Variants in ABTB3 observed in about 807,000 individuals in gnomAD.
ABTB3 encodes ankyrin repeat and BTB domain containing 3, also known as ankyrin repeat- and BTB/POZ domain-containing protein 3.
the ABTB3 span, among the ~76,000 whole-genome samples, chr12:107,406,899 G>A: frequency 2.6e-5 from 4 of 152,146 alleles, no homozygotes; most frequent in Admixed American, 2.6e-4. Flanking sequence ...AGCTCACACT[G>A]TGTTCCTCTA....
the ABTB3 span, among the ~76,000 whole-genome samples, chr12:107,408,876 CA>C: frequency 6.6e-6 from 1 of 152,216 alleles, no homozygotes; most frequent in African/African-American, 2.4e-5. Context: ...TGCTGGGTGC[CA>C]GGGGCACAGT....
At chr12:107,339,500 T>G in the ABTB3 span, among the ~76,000 whole-genome samples, 1 of 152,374 alleles carries the variant, frequency 6.6e-6, no homozygotes, top group Admixed American at 6.5e-5. Flanking sequence ...GTTATGGATC[T>G]TAATCAGTCA....
chr12:107,384,140 C>T, the ABTB3 span, among the ~76,000 whole-genome samples: 17 of 152,230 alleles, frequency 1.1e-4, no homozygotes, highest in African/African-American at 4.1e-4. Context: ...ATGTCTGGGA[C>T]ATTTGCTGAG....
chr12:107,579,207 C>T, the ABTB3 span, among the ~76,000 whole-genome samples: 1 of 152,208 alleles, frequency 6.6e-6, no homozygotes, highest in South Asian at 2.1e-4. Context: ...ACAGGAGGCT[C>T]AGCTGCATGA....
chr12:107,540,559 G>T, the ABTB3 span, among the ~76,000 whole-genome samples: 1 of 152,174 alleles, frequency 6.6e-6, no homozygotes, highest in Non-Finnish European at 1.5e-5. Flanking sequence ...GCTGCCATCT[G>T]CACAAGGCCC....
the ABTB3 span, among the ~76,000 whole-genome samples, chr12:107,331,190 G>T: frequency 6.6e-6 from 1 of 152,158 alleles, no homozygotes; most frequent in African/African-American, 2.4e-5. Context: ...TACTGGGAAC[G>T]TGGCACAGCC....
the ABTB3 span, among the ~76,000 whole-genome samples, chr12:107,626,945 T>C: frequency 6.6e-6 from 1 of 152,034 alleles, no homozygotes; most frequent in Non-Finnish European, 1.5e-5. Flanking sequence ...TCCAGGAGTT[T>C]GAGACAAGCC....
the ABTB3 span, among the ~76,000 whole-genome samples, chr12:107,528,753 G>C: frequency 6.6e-6 from 1 of 152,296 alleles, no homozygotes; most frequent in South Asian, 2.1e-4. Flanking sequence ...GGCTGCTGCT[G>C]TTGCTACTGC....
At chr12:107,372,263 T>C in the ABTB3 span, among the ~76,000 whole-genome samples, 1 of 152,128 alleles carries the variant, frequency 6.6e-6, no homozygotes, top group Non-Finnish European at 1.5e-5. Flanking sequence ...CAGCGTTAGG[T>C]CTTGCAACTC....
chr12:107,633,885 C>A, the ABTB3 span, among the ~76,000 whole-genome samples: 1 of 152,160 alleles, frequency 6.6e-6, no homozygotes, highest in Non-Finnish European at 1.5e-5. Context: ...GGGGCGAGGC[C>A]CAAGCATTTA....
At chr12:107,362,138 T>A in the ABTB3 span, among the ~76,000 whole-genome samples, 1 of 152,222 alleles carries the variant, frequency 6.6e-6, no homozygotes, top group African/African-American at 2.4e-5. Context: ...CCAAACAGAC[T>A]AAGAGTGGCT....
chr12:107,490,332 G>T, the ABTB3 span, among the ~76,000 whole-genome samples: 2 of 152,206 alleles, frequency 1.3e-5, no homozygotes, highest in Non-Finnish European at 2.9e-5. Flanking sequence ...CTGGTCAACA[G>T]CTCAACTGCC....
the ABTB3 span, among the ~76,000 whole-genome samples, chr12:107,334,974 GT>G: frequency 6.6e-5 from 10 of 152,152 alleles, no homozygotes; most frequent in African/African-American, 1.9e-4. Flanking sequence ...CTTGGGGACT[GT>G]TTCAGACCCC....
the ABTB3 span, chr12:107,581,017 C>G: frequency 6.4e-7 from 1 of 1,552,070 alleles, no homozygotes; most frequent in Non-Finnish European, 8.7e-7. Context: ...GGCAGGGTCT[C>G]CAGGGAAAGC....
chr12:107,432,197 T>A, the ABTB3 span, among the ~76,000 whole-genome samples: 1 of 152,186 alleles, frequency 6.6e-6, no homozygotes, highest in African/African-American at 2.4e-5. Context: ...CACCCACTTC[T>A]TCCTTCCTGG....
At chr12:107,511,494 T>C in the ABTB3 span, among the ~76,000 whole-genome samples, 2 of 152,078 alleles carry the variant, frequency 1.3e-5, no homozygotes, top group Admixed American at 6.6e-5. Flanking sequence ...TGACTGTCCA[T>C]TGGTCTAGGA....
chr12:107,612,667 C>A, the ABTB3 span: 1 of 1,064,708 alleles, frequency 9.4e-7, no homozygotes, highest in Non-Finnish European at 1.4e-6. Context: ...TTTGTCATGC[C>A]GGAGCACAAG....
At chr12:107,319,203 C>T in the ABTB3 span, 31 of 1,591,390 alleles carry the variant, frequency 1.9e-5, no homozygotes, top group South Asian at 1.0e-4. Flanking sequence ...CAGCACTGCT[C>T]GCGGCTGCTG....
the ABTB3 span, among the ~76,000 whole-genome samples, chr12:107,554,040 G>A: frequency 1.3e-5 from 2 of 152,168 alleles, no homozygotes; most frequent in African/African-American, 4.8e-5. Context: ...GAAGCATAAG[G>A]GATGGTAACG....
Sources: gnomAD v4.1 joint callset for allele counts (sites outside exome capture counted in the v4.1 genomes callset) on GRCh38, gnomAD v4.1.1 for gene constraint, MANE v1.5 for transcripts, NCBI Gene and HGNC (gene_info 2026-07-23, HGNC 2026-07-21) for gene names.